DGKB: variants seen among roughly 807,000 people sequenced by gnomAD.
DGKB encodes the protein diacylglycerol kinase beta.
A neutral mutation model predicts 114.3 loss-of-function variants in DGKB; 67 were observed. The ratio of observed to expected loss-of-function variants is 0.59; its 90% CI spans 0.48 to 0.72. The LOEUF (loss-of-function observed/expected upper bound fraction) is 0.72. Ranked by LOEUF, DGKB falls within the 30% of genes least tolerant of loss-of-function variation. The pLI is 0.00. For synonymous variants in DGKB, 398 were observed against 323.1 expected (o/e 1.23, Z -2.49); for missense variants, 907 against 975.2 (o/e 0.93, Z 0.93).
At chr7:14,952,938 A>G (rs1361911425) in intron 1 of DGKB, among the ~76,000 whole-genome samples, 4 of 152,126 alleles carry the variant, frequency 2.6e-5, no homozygotes, top group African/African-American at 9.7e-5. Context: ...TTTCAACAAC[A>G]GTGAAAAAAC....
At chr7:14,405,423 CT>C (rs1409243439) in intron 21 of DGKB, among the ~76,000 whole-genome samples, 1 of 152,018 alleles carries the variant, frequency 6.6e-6, no homozygotes, top group Non-Finnish European at 1.5e-5. Flanking sequence ...GTTCCCTCAA[CT>C]GTTAAATTTG....
intron 13 of DGKB, among the ~76,000 whole-genome samples, chr7:14,659,135 T>C (rs940167153): frequency 5.9e-5 from 9 of 151,936 alleles, no homozygotes; most frequent in African/African-American, 1.5e-4. Flanking sequence ...GTGTTCTCAT[T>C]GTATTAACTC....
intron 20 of DGKB, among the ~76,000 whole-genome samples, chr7:14,572,209 T>TTCC (rs1334321479): frequency 6.6e-6 from 1 of 151,930 alleles, no homozygotes; most frequent in Non-Finnish European, 1.5e-5. Context: ...ATCCCAGCAC[T>TTCC]TTGGGAGGCC....
rs57821761 is a variant in DGKB at position 14,508,870 on chromosome 7, C to A, written c.1771-30645G>T. Among the ~76,000 whole-genome samples, 353 of 152,188 alleles carry A rather than the reference C, an allele frequency of 2.3e-3. 17 individuals carry two copies. The East Asian group carries it at 0.062, about 27-fold the overall frequency. On this transcript the variant is annotated intron_variant, in intron 20 of 25. Coordinates refer to ENST00000402815, the MANE Select transcript of DGKB (RefSeq NM_001350709.2). ...GACGTTTTACAGAATTGAATTGGTTCATTTATATAAGCATTTTCAGTTTAA... is the reference window on the plus strand; with the variant it reads ...GACGTTTTACAGAATTGAATTGGTTAATTTATATAAGCATTTTCAGTTTAA...
intron 21 of DGKB, among the ~76,000 whole-genome samples, chr7:14,365,294 A>G (rs946348130): frequency 2.0e-5 from 3 of 152,084 alleles, no homozygotes; most frequent in Non-Finnish European, 4.4e-5. Flanking sequence ...AATTTGTACC[A>G]GAATTTGTCT....
intron 25 of DGKB, among the ~76,000 whole-genome samples, chr7:14,169,123 G>T (rs1780430510): frequency 6.6e-6 from 1 of 151,840 alleles, no homozygotes; most frequent in Non-Finnish European, 1.5e-5. Flanking sequence ...ACTTTGGGAG[G>T]CCGAGGCTTG....
chr7:14,636,882 A>C (rs1415600652), intron 13 of DGKB, among the ~76,000 whole-genome samples: 1 of 151,942 alleles, frequency 6.6e-6, no homozygotes, highest in Non-Finnish European at 1.5e-5. Flanking sequence ...AGCTAGCTCA[A>C]GTTATTACAG....
chr7:14,953,121 A>C (rs1010575930), intron 1 of DGKB, among the ~76,000 whole-genome samples: 1 of 152,188 alleles, frequency 6.6e-6, no homozygotes, highest in East Asian at 1.9e-4. Flanking sequence ...AGAAAATATC[A>C]GGGTAAAATT....
chr7:14,508,617 C>T (rs183890571), intron 20 of DGKB, among the ~76,000 whole-genome samples: 90 of 152,292 alleles, frequency 5.9e-4, no homozygotes, highest in African/African-American at 2.1e-3. Flanking sequence ...CCCAGAATCT[C>T]TACACCTTAC....
chr7:14,972,830 G>A (rs972835919), intron 1 of DGKB, among the ~76,000 whole-genome samples: 1 of 152,102 alleles, frequency 6.6e-6, no homozygotes, highest in African/African-American at 2.4e-5. Context: ...TTACAGAGAA[G>A]AATATGCAGA....
intron 21 of DGKB, among the ~76,000 whole-genome samples, chr7:14,407,484 G>C (rs1391785480): frequency 6.6e-6 from 1 of 151,972 alleles, no homozygotes. Context: ...GTTTATTTTA[G>C]AGGGCAGGCT....
intron 20 of DGKB, among the ~76,000 whole-genome samples, chr7:14,516,679 G>T (rs149798283): frequency 3.2e-4 from 49 of 152,220 alleles, no homozygotes; most frequent in African/African-American, 1.1e-3. Context: ...CAGCTTGAAC[G>T]TTGTTGGTGT....
chr7:14,437,905 T>C (rs1241418925), intron 21 of DGKB, among the ~76,000 whole-genome samples: 3 of 151,370 alleles, frequency 2.0e-5, no homozygotes, highest in East Asian at 3.9e-4. Context: ...GTCAAAGAAA[T>C]AGAAGCTCAG....
At chr7:14,603,511 T>A (rs1049650765) in intron 17 of DGKB, among the ~76,000 whole-genome samples, 1 of 152,086 alleles carries the variant, frequency 6.6e-6, no homozygotes, top group South Asian at 2.1e-4. Context: ...TATTTTAAAT[T>A]AAGAAGATAA....
intron 22 of DGKB, among the ~76,000 whole-genome samples, chr7:14,343,636 G>A (rs1449704366): frequency 6.6e-6 from 1 of 151,034 alleles, no homozygotes; most frequent in African/African-American, 2.4e-5. Context: ...GGAGGATTCA[G>A]GATCTCCACC....
chr7:14,522,861 A>G (rs1790011646), intron 20 of DGKB, among the ~76,000 whole-genome samples: 1 of 152,152 alleles, frequency 6.6e-6, no homozygotes, highest in African/African-American at 2.4e-5. Flanking sequence ...AAAATAACAA[A>G]AGTTTAGATA....
chr7:14,268,523 A>G (rs750500833), intron 23 of DGKB, among the ~76,000 whole-genome samples: 14 of 152,236 alleles, frequency 9.2e-5, no homozygotes, highest in Non-Finnish European at 1.3e-4. Flanking sequence ...ATAACAATGT[A>G]AAAGCACATG....
At chr7:14,927,663 A>G (rs985909385) in intron 1 of DGKB, among the ~76,000 whole-genome samples, 5 of 152,062 alleles carry the variant, frequency 3.3e-5, no homozygotes, top group Non-Finnish European at 1.5e-5. Context: ...GAAGAAAAAT[A>G]TACCTTTTTC....
intron 23 of DGKB, among the ~76,000 whole-genome samples, chr7:14,337,226 ATATT>A (rs904997860): frequency 1.4e-4 from 22 of 152,218 alleles, no homozygotes; most frequent in African/African-American, 5.3e-4. Context: ...ACTAATAATT[ATATT>A]TATTTTCCTC....
Sources: gnomAD v4.1 joint callset for allele counts (sites outside exome capture counted in the v4.1 genomes callset) on GRCh38, gnomAD v4.1.1 for gene constraint, MANE v1.5 for transcripts, NCBI Gene and HGNC (gene_info 2026-07-23, HGNC 2026-07-21) for gene names.